CACNA1A: variants seen among roughly 807,000 people sequenced by gnomAD.
The protein encoded by CACNA1A is calcium voltage-gated channel subunit alpha1 A.
Under a neutral mutation model 262.4 loss-of-function variants are expected in CACNA1A, and 57 were observed. That is an observed-to-expected ratio of 0.22 (90% CI 0.18 to 0.27). CACNA1A has a LOEUF of 0.27. Among genes scored for constraint, CACNA1A ranks in the 10% least tolerant of loss-of-function variants. The probability of loss-of-function intolerance (pLI) is 1.00; values close to 1 mark genes in which losing one functional copy is unlikely to be tolerated. For missense variants in CACNA1A, 2,526 were observed against 3,562.8 expected (o/e 0.71, Z 7.41); for synonymous variants, 1,431 against 1,419.3 (o/e 1.01, Z -0.18).
intron 6 of CACNA1A, among the ~76,000 whole-genome samples, chr19:13,339,567 T>C (rs1199999991): frequency 1.3e-5 from 2 of 151,964 alleles, no homozygotes; most frequent in African/African-American, 4.8e-5. Context: ...AAGGAGGAGC[T>C]TGAATGTTCC....
At chr19:13,348,440 T>G (rs1316030013) in intron 6 of CACNA1A, among the ~76,000 whole-genome samples, 1 of 152,102 alleles carries the variant, frequency 6.6e-6, no homozygotes, top group East Asian at 1.9e-4. Flanking sequence ...TGGTGGCTCA[T>G]GCCTGTAATA....
intron 5 of CACNA1A, among the ~76,000 whole-genome samples, chr19:13,360,251 G>C (rs1383513717): frequency 1.0e-5 from 1 of 97,200 alleles, no homozygotes; most frequent in South Asian, 4.4e-4. Flanking sequence ...TTAGGTGTCT[G>C]TGTGTGTGTG....
chr19:13,365,299 C>T lies in CACNA1A; in HGVS notation c.784+18G>A, dbSNP rs1286244732. ...GAAGGAGAAAACTGGAAAGATGCAT[C>T]ATGCTCCGTGGACCTACCTGTCCCC... On this transcript the variant is annotated intron_variant, in intron 5 of 46. Coordinates refer to ENST00000360228, the MANE Select transcript of CACNA1A (RefSeq NM_001127222.2). 6.2e-7 allele frequency: 1 copy of T among 1,601,380 alleles called. No individual in the cohort carries two copies.
chr19:13,493,923 T>C (rs1025516352), intron 1 of CACNA1A, among the ~76,000 whole-genome samples: 10 of 152,188 alleles, frequency 6.6e-5, no homozygotes, highest in African/African-American at 2.4e-4. Context: ...CTTTCTCTGG[T>C]TGTGAAATTA....
chr19:13,425,693 A>G (rs926329414), intron 3 of CACNA1A, among the ~76,000 whole-genome samples: 1 of 152,192 alleles, frequency 6.6e-6, no homozygotes, highest in Non-Finnish European at 1.5e-5. Flanking sequence ...AGACACCTGG[A>G]AAAAGTAAAT....
At chr19:13,262,566 C>T (rs2056760039) in intron 25 of CACNA1A, 168 bp downstream of exon 25, 1 of 607,008 alleles carries the variant, frequency 1.6e-6, no homozygotes, top group Non-Finnish European at 3.0e-6. Flanking sequence ...GCTCACTTTA[C>T]TGCCATCTGC....
intron 1 of CACNA1A, among the ~76,000 whole-genome samples, chr19:13,482,588 CT>C (rs926825472): frequency 6.6e-6 from 1 of 152,092 alleles, no homozygotes; most frequent in Non-Finnish European, 1.5e-5. Context: ...TCCACTAAAC[CT>C]TCTTCTCCAT....
intron 22 of CACNA1A, chr19:13,278,013 G>T: frequency 6.6e-6 from 1 of 151,904 alleles, no homozygotes. Flanking sequence ...ACTTGAACGT[G>T]GGAGGCGGAG....
chr19:13,495,612 A>G (rs959626118), intron 1 of CACNA1A, among the ~76,000 whole-genome samples: 1 of 152,176 alleles, frequency 6.6e-6, no homozygotes, highest in Non-Finnish European at 1.5e-5. Flanking sequence ...AATTCACTTG[A>G]TACTGGAAAA....
chr19:13,245,024 C>G (rs960600111), intron 31 of CACNA1A, 158 bp downstream of exon 31: 2 of 637,738 alleles, frequency 3.1e-6, no homozygotes, highest in African/African-American at 1.8e-5. Context: ...CTGCCCTTGT[C>G]CCCGGGGCCC....
intron 10 of CACNA1A, among the ~76,000 whole-genome samples, chr19:13,325,012 G>GCTGCTTCTTCAT: frequency 7.3e-6 from 1 of 136,950 alleles, no homozygotes; most frequent in Non-Finnish European, 1.6e-5. Context: ...TTATCATTGT[G>GCTGCTTCTTCAT]CTTCTTCTTC....
At chr19:13,297,984 C>G (rs1327445941) in intron 19 of CACNA1A, among the ~76,000 whole-genome samples, 1 of 152,044 alleles carries the variant, frequency 6.6e-6, no homozygotes, top group African/African-American at 2.4e-5. Flanking sequence ...TGGGCACCAC[C>G]ACTAATTTTT....
intron 31 of CACNA1A, among the ~76,000 whole-genome samples, chr19:13,242,169 T>C (rs1279254039): frequency 6.6e-6 from 1 of 152,196 alleles, no homozygotes; most frequent in African/African-American, 2.4e-5. Context: ...CAGGGCTGGC[T>C]AACAAAACTA....
At chr19:13,391,004 A>C (rs1470056062) in intron 3 of CACNA1A, among the ~76,000 whole-genome samples, 1 of 152,076 alleles carries the variant, frequency 6.6e-6, no homozygotes, top group Non-Finnish European at 1.5e-5. Context: ...CCCCTGCCTA[A>C]GCCTCCCAAG....
chr19:13,281,903 G>T (rs909934753), intron 22 of CACNA1A, among the ~76,000 whole-genome samples: 9 of 152,158 alleles, frequency 5.9e-5, no homozygotes, highest in African/African-American at 2.2e-4. Context: ...CCTGGGAGCT[G>T]CCGTGCCCCC....
chr19:13,481,713 A>G (rs78870964), intron 1 of CACNA1A, among the ~76,000 whole-genome samples: 1 of 152,158 alleles, frequency 6.6e-6, no homozygotes, highest in East Asian at 1.9e-4. Context: ...AAGATAGGCT[A>G]CAAAGAGGTA....
intron 38 of CACNA1A, among the ~76,000 whole-genome samples, chr19:13,224,106 A>G (rs1245312138): frequency 6.6e-6 from 1 of 151,890 alleles, no homozygotes; most frequent in Non-Finnish European, 1.5e-5. Context: ...GTTTGAGACC[A>G]GAGGTCAGGA....
intron 3 of CACNA1A, among the ~76,000 whole-genome samples, chr19:13,396,815 G>C (rs1488923840): frequency 6.6e-6 from 1 of 150,750 alleles, no homozygotes; most frequent in East Asian, 1.9e-4. Flanking sequence ...CTCCCAGAAT[G>C]CTTTGCTCCG....
In CACNA1A at chr19:13,347,824, A is replaced by G. The variant is rs558140937; in HGVS notation, c.978+11782T>C. 2.4e-4 allele frequency among the ~76,000 whole-genome samples: 36 copies of G among 152,356 alleles called. 1 individual carries two copies. Among genetic ancestry groups the G allele is most frequent in the African/African-American group, 7.5e-4 (31 of 41,582 alleles). On this transcript the variant is annotated intron_variant, in intron 6 of 46. Transcript: ENST00000360228. ...CTAATGCTTTGATTTTGGTCAAGAC[A>G]AACATCTATGAATGAAAAAGGGCAT...
Sources: gnomAD v4.1 joint callset for allele counts (sites outside exome capture counted in the v4.1 genomes callset) on GRCh38, gnomAD v4.1.1 for gene constraint, MANE v1.5 for transcripts, NCBI Gene and HGNC (gene_info 2026-07-23, HGNC 2026-07-21) for gene names.